The following GPC5 variants were observed in gnomAD, a reference collection of about 807,000 sequenced individuals.
The protein encoded by GPC5 is glypican 5.
A neutral mutation model predicts 53.9 loss-of-function variants in GPC5; 47 were observed. That is an observed-to-expected ratio of 0.87 (90% CI 0.69 to 1.11). The LOEUF (loss-of-function observed/expected upper bound fraction) is 1.11. Among genes scored for constraint, GPC5 ranks in the 50% most tolerant of loss-of-function variants. GPC5 has a pLI of 0.00. For synonymous variants in GPC5, 286 were observed against 263.3 expected (o/e 1.09, Z -0.84); for missense variants, 748 against 713.1 (o/e 1.05, Z -0.56).
At chr13:92,612,510 G>C (rs1408640194) in intron 7 of GPC5, among the ~76,000 whole-genome samples, 1 of 152,032 alleles carries the variant, frequency 6.6e-6, no homozygotes, top group Non-Finnish European at 1.5e-5. Context: ...GGCTATTTCT[G>C]AGAAAAACTA....
intron 7 of GPC5, among the ~76,000 whole-genome samples, chr13:92,328,558 C>T (rs2043267641): frequency 6.6e-6 from 1 of 151,996 alleles, no homozygotes; most frequent in Non-Finnish European, 1.5e-5. Flanking sequence ...TTTAAGAGAA[C>T]CAGAGTTCAT....
At chr13:92,573,072 GA>G (rs1042086619) in intron 7 of GPC5, among the ~76,000 whole-genome samples, 3 of 152,110 alleles carry the variant, frequency 2.0e-5, no homozygotes, top group African/African-American at 7.2e-5. Context: ...AGTTTTATGA[GA>G]TTTTTTTGTA....
chr13:91,855,090 A>G (rs902180323), intron 5 of GPC5, among the ~76,000 whole-genome samples: 4 of 151,758 alleles, frequency 2.6e-5, no homozygotes, highest in Middle Eastern at 3.2e-3. Flanking sequence ...ACTCATTTGA[A>G]TTTTTTAATC....
At chr13:92,163,610 A>G (rs1330549090) in intron 7 of GPC5, among the ~76,000 whole-genome samples, 1 of 152,110 alleles carries the variant, frequency 6.6e-6, no homozygotes, top group Non-Finnish European at 1.5e-5. Flanking sequence ...CTACTTTAGC[A>G]TCTCTTTGTT....
In GPC5 at chr13:92,314,877, C is replaced by T. The variant is rs550178325; in HGVS notation, c.1561+169888C>T. Among the ~76,000 whole-genome samples the T allele has an allele frequency of 3.3e-5, 5 of 152,176 alleles. No individual in the cohort carries two copies. In the South Asian group the frequency reaches 6.2e-4, roughly 19 times the overall value. Reference sequence around the variant, plus strand: ...AGCCTCAACACCCCCCATGCTCAAGCGATTCTCCCACCTCACCCTACTGAG... The same window carrying T: ...AGCCTCAACACCCCCCATGCTCAAGTGATTCTCCCACCTCACCCTACTGAG... On this transcript the variant is annotated intron_variant, in intron 7 of 7. Transcript: ENST00000377067.
At chr13:92,367,367 A>G (rs746929921) in intron 7 of GPC5, among the ~76,000 whole-genome samples, 3 of 152,184 alleles carry the variant, frequency 2.0e-5, no homozygotes, top group Non-Finnish European at 4.4e-5. Flanking sequence ...AAGATCTTAG[A>G]TCATTTACAC....
At chr13:91,949,143 C>T (rs576610901) in intron 6 of GPC5, among the ~76,000 whole-genome samples, 1 of 152,286 alleles carries the variant, frequency 6.6e-6, no homozygotes, top group African/African-American at 2.4e-5. Context: ...TTGTGTGTTG[C>T]TGCCCATTTG....
chr13:92,482,203 A>G (rs1426571559), intron 7 of GPC5, among the ~76,000 whole-genome samples: 5 of 152,142 alleles, frequency 3.3e-5, no homozygotes, highest in South Asian at 2.1e-4. Context: ...CCTTTCCACC[A>G]ACAAGTCTCA....
At chr13:92,627,770 C>T (rs1885093698) in intron 7 of GPC5, among the ~76,000 whole-genome samples, 1 of 152,204 alleles carries the variant, frequency 6.6e-6, no homozygotes, top group Non-Finnish European at 1.5e-5. Flanking sequence ...CTTTATTATA[C>T]ATGCTATTCT....
At chr13:92,044,121 A>T (rs541559913) in intron 6 of GPC5, among the ~76,000 whole-genome samples, 6 of 152,272 alleles carry the variant, frequency 3.9e-5, no homozygotes, top group African/African-American at 1.2e-4. Context: ...TATTCTTCTT[A>T]GTTCTACCCT....
chr13:91,655,467 CTT>C lies in GPC5; in HGVS notation c.326-37717_326-37716del, dbSNP rs2034823109. ...AGGGATTTTTAAATTAAATATATCA[CTT>C]TTGTAATAAAAATAAGCTTAAATCA... On this transcript the variant is annotated intron_variant, in intron 2 of 7. Transcript: ENST00000377067. Among the ~76,000 whole-genome samples the C allele has an allele frequency of 2.0e-5, 3 of 151,966 alleles. No homozygotes were observed. In the South Asian group the frequency reaches 6.2e-4, roughly 32 times the overall value.
At chr13:91,611,393 A>C (rs2033544911) in intron 2 of GPC5, among the ~76,000 whole-genome samples, 2 of 152,226 alleles carry the variant, frequency 1.3e-5, no homozygotes, top group African/African-American at 4.8e-5. Context: ...CTTTGCTTCC[A>C]GTCACTAAGT....
Position 91,516,977 on chromosome 13 carries a change from C to T in GPC5, c.325+68055C>T, listed in dbSNP as rs140752529. 1.4e-3 allele frequency among the ~76,000 whole-genome samples: 208 copies of T among 152,228 alleles called. 1 individual carries two copies. The South Asian group carries it at 0.019, about 14-fold the overall frequency. Reference sequence around the variant, plus strand: ...AGCTAGGACACAGGGCACTAAGTCTCTAGGCTGCACACAACATGGGGACCC... The same window carrying T: ...AGCTAGGACACAGGGCACTAAGTCTTTAGGCTGCACACAACATGGGGACCC... On this transcript the variant is annotated intron_variant, in intron 2 of 7. Transcript: ENST00000377067.
intron 7 of GPC5, among the ~76,000 whole-genome samples, chr13:92,196,922 G>GTTAAAATAA (rs1430034700): frequency 1.3e-5 from 2 of 152,162 alleles, no homozygotes; most frequent in Non-Finnish European, 2.9e-5. Flanking sequence ...ATGCTCCTAA[G>GTTAAAATAA]TTAAAATAAT....
chr13:91,477,731 G>C (rs1883010565), intron 2 of GPC5, among the ~76,000 whole-genome samples: 1 of 152,170 alleles, frequency 6.6e-6, no homozygotes, highest in South Asian at 2.1e-4. Flanking sequence ...GAGAGCCAGG[G>C]CAAGAGTGAA....
chr13:92,422,396 G>A (rs16947580), intron 7 of GPC5, among the ~76,000 whole-genome samples: 25,889 of 151,502 alleles, frequency 0.17, 2,527 homozygotes, highest in East Asian at 0.47. Flanking sequence ...GGCTCAGCAG[G>A]CTTCCAGCCC....
At chr13:92,740,380 C>G (rs1172626185) in intron 7 of GPC5, among the ~76,000 whole-genome samples, 1 of 152,026 alleles carries the variant, frequency 6.6e-6, no homozygotes, top group Non-Finnish European at 1.5e-5. Context: ...TTGCTTTTGT[C>G]TCTCTCATGC....
intron 7 of GPC5, among the ~76,000 whole-genome samples, chr13:92,324,706 A>G (rs2043238796): frequency 6.6e-6 from 1 of 151,870 alleles, no homozygotes; most frequent in Non-Finnish European, 1.5e-5. Context: ...GTAGTACTAC[A>G]TTATGTAGAT....
chr13:92,277,214 T>C (rs1389651971), intron 7 of GPC5, among the ~76,000 whole-genome samples: 2 of 152,012 alleles, frequency 1.3e-5, no homozygotes, highest in South Asian at 2.1e-4. Flanking sequence ...ACACCCACCA[T>C]GGGTCTGGGA....
Sources: allele counts gnomAD v4.1 joint callset (sites outside exome capture counted in the v4.1 genomes callset), GRCh38; gene constraint gnomAD v4.1.1; transcripts MANE v1.5; gene names NCBI Gene and HGNC (gene_info 2026-07-23, HGNC 2026-07-21).